Variants in STARD13 observed in about 807,000 individuals in gnomAD.
STARD13 encodes StAR related lipid transfer domain containing 13.
A neutral mutation model predicts 106.4 loss-of-function variants in STARD13; 62 were observed. The ratio of observed to expected loss-of-function variants is 0.58; its 90% confidence interval spans 0.48 to 0.72. STARD13 has a LOEUF of 0.72. STARD13 is among the 30% of genes least tolerant of loss of function. The pLI, the probability that STARD13 is intolerant of heterozygous loss-of-function variation, is 0.00. For synonymous variants in STARD13, 565 were observed against 553.0 expected, an observed-to-expected ratio of 1.02 and a Z score of -0.31; for missense variants, 1,387 against 1,424.0, an observed-to-expected ratio of 0.97 and a Z score of 0.42.
At chr13:33,609,576 T>G in the STARD13 span, among the ~76,000 whole-genome samples, 1 of 151,542 alleles carries the variant, frequency 6.6e-6, no homozygotes, top group African/African-American at 2.4e-5. Flanking sequence ...TTTCTTTTTT[T>G]TTTTTTTTGA....
the STARD13 span, among the ~76,000 whole-genome samples, chr13:33,624,086 C>T: frequency 6.6e-6 from 1 of 152,210 alleles, no homozygotes. Flanking sequence ...ACATACTACA[C>T]CTTCCAGCAA....
chr13:33,226,656 A>G (rs893953080), intron 1 of STARD13, among the ~76,000 whole-genome samples: 6 of 152,058 alleles, frequency 3.9e-5, no homozygotes, highest in Admixed American at 3.9e-4. Context: ...GCTGGTCTTG[A>G]ACTCCTGATC....
intron 6 of STARD13, 36 bp from the exon 7 acceptor site, chr13:33,126,276 T>A (rs1877158804): frequency 6.2e-7 from 1 of 1,605,532 alleles, no homozygotes; most frequent in Non-Finnish European, 8.5e-7. Flanking sequence ...GCAAGCCTCC[T>A]GGGTCACACT....
At chr13:33,428,945 G>A in the STARD13 span, among the ~76,000 whole-genome samples, 1 of 152,180 alleles carries the variant, frequency 6.6e-6, no homozygotes, top group Non-Finnish European at 1.5e-5. Flanking sequence ...TTGCTCATCA[G>A]AGAAATGCAT....
chr13:33,538,159 C>A, the STARD13 span, among the ~76,000 whole-genome samples: 1 of 152,108 alleles, frequency 6.6e-6, no homozygotes, highest in Non-Finnish European at 1.5e-5. Flanking sequence ...CCGTGAAGAA[C>A]TAGGGAAATC....
At chr13:33,226,898 T>G (rs1338415362) in intron 1 of STARD13, among the ~76,000 whole-genome samples, 4 of 152,126 alleles carry the variant, frequency 2.6e-5, no homozygotes, top group Non-Finnish European at 5.9e-5. Context: ...ACAGTACTTC[T>G]TAACTGTTTT....
chr13:33,552,169 T>G, the STARD13 span, among the ~76,000 whole-genome samples: 4 of 152,036 alleles, frequency 2.6e-5, no homozygotes, highest in African/African-American at 9.7e-5. Context: ...TAAAGAGAGA[T>G]ATAGACAATA....
the STARD13 span, among the ~76,000 whole-genome samples, chr13:33,622,881 C>T: frequency 1.4e-5 from 2 of 141,768 alleles, no homozygotes; most frequent in South Asian, 4.4e-4. Flanking sequence ...GATCACGCCA[C>T]AGCACTCTAG....
chr13:33,483,315 T>A, the STARD13 span, among the ~76,000 whole-genome samples: 1 of 152,184 alleles, frequency 6.6e-6, no homozygotes, highest in African/African-American at 2.4e-5. Context: ...ATCTATTTAA[T>A]GTCAGGGCCA....
chr13:33,425,807 A>G, the STARD13 span, among the ~76,000 whole-genome samples: 2 of 152,214 alleles, frequency 1.3e-5, no homozygotes, highest in African/African-American at 4.8e-5. Flanking sequence ...TTTGCTCATA[A>G]CTTTGTGAAG....
At chr13:33,218,983 ACT>A (rs1484848211) in intron 1 of STARD13, among the ~76,000 whole-genome samples, 1 of 152,094 alleles carries the variant, frequency 6.6e-6, no homozygotes, top group African/African-American at 2.4e-5. Flanking sequence ...AACTTGGATG[ACT>A]CTACAAATAA....
At chr13:33,393,966 A>G in the STARD13 span, among the ~76,000 whole-genome samples, 465 of 152,370 alleles carry the variant, frequency 3.1e-3, 5 homozygotes, top group African/African-American at 0.01. Context: ...CAAGCTCACT[A>G]TAATTTAATG....
At chr13:33,125,801 T>G (rs1877069603) in intron 7 of STARD13, among the ~76,000 whole-genome samples, 2 of 152,136 alleles carry the variant, frequency 1.3e-5, no homozygotes, top group African/African-American at 4.8e-5. Context: ...TTAACTCTAG[T>G]TTTTAGGGAT....
At chr13:33,628,851 C>G in the STARD13 span, among the ~76,000 whole-genome samples, 1 of 152,174 alleles carries the variant, frequency 6.6e-6, no homozygotes, top group Non-Finnish European at 1.5e-5. Flanking sequence ...TCACTCTTCA[C>G]CAGAGTTCCA....
the STARD13 span, among the ~76,000 whole-genome samples, chr13:33,443,200 G>A: frequency 4.0e-5 from 6 of 151,686 alleles, no homozygotes; most frequent in Non-Finnish European, 7.4e-5. Flanking sequence ...ACACGGTGAA[G>A]ACCCGTCTCT....
intron 3 of STARD13, among the ~76,000 whole-genome samples, chr13:33,142,675 A>G (rs1879996540): frequency 6.6e-6 from 1 of 152,160 alleles, no homozygotes; most frequent in Non-Finnish European, 1.5e-5. Context: ...CATTTTAGCC[A>G]TACTTTCACT....
chr13:33,276,699 G>A (rs999060177), intron 1 of STARD13: 1 of 152,166 alleles, frequency 6.6e-6, no homozygotes, highest in East Asian at 1.9e-4. Flanking sequence ...GAGTTGGAAT[G>A]CAGGAAGAGA....
At chr13:33,147,426 C>T (rs1434060615) in intron 3 of STARD13, among the ~76,000 whole-genome samples, 1 of 152,176 alleles carries the variant, frequency 6.6e-6, no homozygotes, top group African/African-American at 2.4e-5. Flanking sequence ...CATATTGTAA[C>T]ATGCACAAAG....
the STARD13 span, among the ~76,000 whole-genome samples, chr13:33,562,791 CA>C: frequency 1.4e-5 from 2 of 146,292 alleles, no homozygotes; most frequent in South Asian, 4.3e-4. Flanking sequence ...TAATTAAAAG[CA>C]AAATTATATA....
Sources: gnomAD v4.1 joint callset for allele counts (sites outside exome capture counted in the v4.1 genomes callset) on GRCh38, gnomAD v4.1.1 for gene constraint, MANE v1.5 for transcripts, NCBI Gene and HGNC (gene_info 2026-07-23, HGNC 2026-07-21) for gene names.